The following FNDC3B variants were observed in gnomAD, a reference collection of about 807,000 sequenced individuals.
The protein encoded by FNDC3B is fibronectin type III domain-containing protein 3B.
FNDC3B carries 12 observed loss-of-function variants against 151.5 expected under a neutral mutation model. That is an observed-to-expected ratio of 0.08 (90% confidence interval 0.05 to 0.13). The LOEUF (loss-of-function observed/expected upper bound fraction) is 0.13, where lower values mean the gene tolerates loss of function less well. FNDC3B is among the 10% of genes least tolerant of loss of function. The probability of loss-of-function intolerance (pLI) is 1.00; values close to 1 mark genes in which losing one functional copy is unlikely to be tolerated. For synonymous variants in FNDC3B, 528 were observed against 549.0 expected, an observed-to-expected ratio of 0.96 and a Z score of 0.54; for missense variants, 1,214 against 1,505.3, an observed-to-expected ratio of 0.81 and a Z score of 3.20.
intron 4 of FNDC3B, among the ~76,000 whole-genome samples, chr3:172,232,683 A>G (rs1354891790): frequency 6.6e-6 from 1 of 152,174 alleles, no homozygotes; most frequent in East Asian, 1.9e-4. Flanking sequence ...GTAAGTGGGA[A>G]TTTAATCTTA....
At chr3:172,269,035 A>G (rs1255863370) in intron 6 of FNDC3B, among the ~76,000 whole-genome samples, 1 of 152,182 alleles carries the variant, frequency 6.6e-6, no homozygotes, top group East Asian at 1.9e-4. Context: ...TGTTTGTTTG[A>G]GCCATAGCAT....
intron 12 of FNDC3B, 43 bp downstream of exon 12, chr3:172,329,119 G>A: frequency 1.3e-6 from 2 of 1,576,648 alleles, no homozygotes; most frequent in Non-Finnish European, 1.7e-6. Flanking sequence ...CCTTTGGATG[G>A]TGATCCTGAG....
chr3:172,141,983 C>T (rs544137763), intron 3 of FNDC3B, among the ~76,000 whole-genome samples: 2 of 152,192 alleles, frequency 1.3e-5, no homozygotes, highest in African/African-American at 2.4e-5. Flanking sequence ...GATTGCCTGG[C>T]TCAAAAATCC....
At chr3:172,257,736 G>C (rs1728430099) in intron 6 of FNDC3B, among the ~76,000 whole-genome samples, 1 of 152,124 alleles carries the variant, frequency 6.6e-6, no homozygotes. Context: ...CATGGGCTCA[G>C]ACCAGCAGTA....
At chr3:172,307,880 C>G (rs997396220) in intron 10 of FNDC3B, among the ~76,000 whole-genome samples, 1 of 152,032 alleles carries the variant, frequency 6.6e-6, no homozygotes, top group African/African-American at 2.4e-5. Context: ...CTTTTTTTTG[C>G]AGCAGTATTT....
At position 172,055,223 on chromosome 3, in the gene FNDC3B, T is replaced by A. The variant is rs146447348; in HGVS notation, c.-29+15452T>A. Among the ~76,000 whole-genome samples the A allele has an allele frequency of 6.5e-3, 987 of 152,336 alleles. 7 individuals carry two copies. Among genetic ancestry groups the A allele is most frequent in the African/African-American group, 0.023 (944 of 41,576 alleles). ...GATAACAATTTTTAAGGTTTATATT[T>A]TATTTCCGGCTTTGTTTAGCAATAC... On this transcript the variant is annotated intron_variant, in intron 1 of 25. Coordinates refer to ENST00000415807, the MANE Select transcript of FNDC3B (RefSeq NM_022763.4).
chr3:172,090,328 C>T (rs577051348), intron 1 of FNDC3B, among the ~76,000 whole-genome samples: 1 of 152,156 alleles, frequency 6.6e-6, no homozygotes, highest in Non-Finnish European at 1.5e-5. Context: ...TATCACTGAG[C>T]GGGGGCAGTG....
intron 3 of FNDC3B, among the ~76,000 whole-genome samples, chr3:172,190,016 G>C (rs1304273991): frequency 2.0e-5 from 3 of 152,104 alleles, no homozygotes; most frequent in Non-Finnish European, 4.4e-5. Flanking sequence ...GTCAAGTCTT[G>C]ATCAAGTTCA....
At chr3:172,344,807 A>G (rs1319136418) in intron 19 of FNDC3B, among the ~76,000 whole-genome samples, 1 of 152,156 alleles carries the variant, frequency 6.6e-6, no homozygotes, top group African/African-American at 2.4e-5. Flanking sequence ...TGTCTATGTT[A>G]TATCCATAAA....
intron 2 of FNDC3B, among the ~76,000 whole-genome samples, chr3:172,130,007 G>C (rs1379537796): frequency 1.3e-5 from 2 of 151,414 alleles, no homozygotes; most frequent in African/African-American, 2.4e-5. Context: ...AGGGAGGGAG[G>C]GGGAGAGAGA....
chr3:172,057,392 T>G (rs1472147688), intron 1 of FNDC3B, among the ~76,000 whole-genome samples: 1 of 152,236 alleles, frequency 6.6e-6, no homozygotes, highest in African/African-American at 2.4e-5. Context: ...CATTGTTGTT[T>G]GGATGCACTT....
intron 1 of FNDC3B, among the ~76,000 whole-genome samples, chr3:172,059,671 T>G (rs1006973022): frequency 6.6e-6 from 1 of 152,184 alleles, no homozygotes; most frequent in Non-Finnish European, 1.5e-5. Flanking sequence ...GTATTGTTTA[T>G]TTTTCTAAGT....
intron 20 of FNDC3B, 103 bp downstream of exon 20, chr3:172,346,543 T>G: frequency 3.3e-6 from 2 of 598,168 alleles, no homozygotes; most frequent in Non-Finnish European, 5.6e-6. Context: ...CACATATAGA[T>G]GATTTTTTTT....
chr3:172,158,704 C>T (rs567585813), intron 3 of FNDC3B, among the ~76,000 whole-genome samples: 29 of 152,294 alleles, frequency 1.9e-4, no homozygotes, highest in Non-Finnish European at 3.1e-4. Context: ...AGTCTAAAGA[C>T]CTTTGTCTAC....
intron 10 of FNDC3B, among the ~76,000 whole-genome samples, 178 bp from the exon 11 acceptor site, chr3:172,310,648 TGA>T (rs1428773557): frequency 6.6e-6 from 1 of 152,236 alleles, no homozygotes; most frequent in East Asian, 1.9e-4. Flanking sequence ...TCTCTACTGT[TGA>T]GGTATGTCAA....
At chr3:172,181,407 A>AC (rs924302832) in intron 3 of FNDC3B, among the ~76,000 whole-genome samples, 4 of 144,936 alleles carry the variant, frequency 2.8e-5, no homozygotes, top group Non-Finnish European at 4.6e-5. Context: ...AAAAAAAAAA[A>AC]AAAAAAACAA....
At chr3:172,271,662 T>C (rs1163023398) in intron 6 of FNDC3B, among the ~76,000 whole-genome samples, 1 of 152,234 alleles carries the variant, frequency 6.6e-6, no homozygotes, top group East Asian at 1.9e-4. Flanking sequence ...TGGGGCTGCC[T>C]TAACTGGTCT....
intron 3 of FNDC3B, among the ~76,000 whole-genome samples, chr3:172,205,912 G>A (rs1725398067): frequency 6.6e-6 from 1 of 152,104 alleles, no homozygotes; most frequent in African/African-American, 2.4e-5. Flanking sequence ...ATTTTGTTCA[G>A]AACTTAATTG....
At chr3:172,043,465 G>A (rs926193991) in intron 1 of FNDC3B, among the ~76,000 whole-genome samples, 1 of 152,052 alleles carries the variant, frequency 6.6e-6, no homozygotes, top group African/African-American at 2.4e-5. Flanking sequence ...TCTCCCCTTA[G>A]CCTCTCCAGT....
Sources: allele counts gnomAD v4.1 joint callset (sites outside exome capture counted in the v4.1 genomes callset), GRCh38; gene constraint gnomAD v4.1.1; transcripts MANE v1.5; gene names NCBI Gene and HGNC (gene_info 2026-07-23, HGNC 2026-07-21).